Variants in UACA observed in about 807,000 individuals in gnomAD.
UACA encodes the protein nuclear membrane binding protein.
In UACA, 112 loss-of-function variants were observed where a neutral mutation model predicts 160.5. The observed-to-expected ratio is 0.70, with a 90% confidence interval of 0.60 to 0.82. The LOEUF is 0.82. Ranked by LOEUF, UACA falls within the 40% of genes least tolerant of loss-of-function variation. The pLI is 0.00. For synonymous variants in UACA, 557 were observed against 568.4 expected (o/e 0.98, Z 0.29); for missense variants, 1,574 against 1,614.6 (o/e 0.97, Z 0.43).
chr15:70,740,799 T>C (rs1219217179), intron 1 of UACA, among the ~76,000 whole-genome samples: 3 of 152,012 alleles, frequency 2.0e-5, no homozygotes. Context: ...CCCAGCACTT[T>C]AGGAGGCCCA....
intron 1 of UACA, among the ~76,000 whole-genome samples, chr15:70,709,370 A>G (rs1209635519): frequency 2.0e-5 from 3 of 152,230 alleles, no homozygotes; most frequent in African/African-American, 7.2e-5. Context: ...AACACAAATC[A>G]GTTATTTCAC....
In UACA at chr15:70,687,640, G is replaced by A. The variant is rs756160531; in HGVS notation, c.502C>T (p.Arg168Trp). 17 of 1,613,686 alleles carry A rather than the reference G, an allele frequency of 1.1e-5. No homozygotes were observed. Among genetic ancestry groups the A allele is most frequent in the South Asian group, 5.5e-5 (5 of 91,066 alleles). The stretch of plus-strand genomic sequence containing the variant: ...TGAGTAGCCAGAACAAGTGGTGTCC[G>A]CCCGTCCTAAGCAACAGGAAAAATA... ...ASVNAKDVDG[R>W]TPLVLATQMS... The change falls in exon 7 of 19, where the codon CGG becomes TGG. Residue 168 changes from arginine (R) to tryptophan (W), a missense_variant. By Grantham distance (101) the Arg-to-Trp change is moderately radical. Transcript: ENST00000322954.
chr15:70,749,553 G>T (rs1424247824), intron 1 of UACA, among the ~76,000 whole-genome samples: 1 of 150,756 alleles, frequency 6.6e-6, no homozygotes, highest in Admixed American at 6.6e-5. Context: ...CAAAAAATTA[G>T]CCAGGCGTAG....
intron 2 of UACA, among the ~76,000 whole-genome samples, chr15:70,697,292 T>C (rs1359440381): frequency 6.6e-6 from 1 of 152,208 alleles, no homozygotes; most frequent in Admixed American, 6.5e-5. Flanking sequence ...GGCCACTTTT[T>C]CCCTGGGAAC....
chr15:70,707,053 T>C (rs549130796), intron 1 of UACA, among the ~76,000 whole-genome samples: 237 of 152,312 alleles, frequency 1.6e-3, no homozygotes, highest in African/African-American at 5.5e-3. Flanking sequence ...GAAGCTATAG[T>C]AATCAAAACA....
At chr15:70,672,683 G>C (rs1897177003) in intron 13 of UACA, among the ~76,000 whole-genome samples, 1 of 152,182 alleles carries the variant, frequency 6.6e-6, no homozygotes, top group Admixed American at 6.5e-5. Context: ...AATAGGCCAG[G>C]CACAGTGGCT....
In UACA at chr15:70,760,571, G is replaced by A. The variant is rs991680831; in HGVS notation, c.78+2759C>T. Among the ~76,000 whole-genome samples, 4 of 152,294 alleles carry A rather than the reference G, an allele frequency of 2.6e-5. No homozygotes were observed. In the South Asian group the frequency reaches 6.2e-4, roughly 24 times the overall value. ...CGCCTGTAATCCCAGCACTTTGGGAGGCCGAGGCGGGTGGATCACAAGGTC... is the reference window on the plus strand; with the variant it reads ...CGCCTGTAATCCCAGCACTTTGGGAAGCCGAGGCGGGTGGATCACAAGGTC... On this transcript the variant is annotated intron_variant, in intron 1 of 18. Coordinates refer to ENST00000322954, the MANE Select transcript of UACA (RefSeq NM_018003.4).
the UACA span, among the ~76,000 whole-genome samples, chr15:70,774,418 C>T: frequency 2.6e-5 from 4 of 151,746 alleles, no homozygotes; most frequent in East Asian, 1.9e-4. Context: ...TGGTGGTGGG[C>T]GCCTGTAGTC....
chr15:70,699,152 T>G (rs916642586), intron 2 of UACA, among the ~76,000 whole-genome samples: 2 of 152,144 alleles, frequency 1.3e-5, no homozygotes, highest in African/African-American at 4.8e-5. Flanking sequence ...CTCTGTGACT[T>G]TACCTGAAAT....
Position 70,660,315 on chromosome 15 carries a change from T to G in UACA, c.4114-99A>C, listed in dbSNP as rs1319200526. 5 of 982,454 alleles carry G rather than the reference T, an allele frequency of 5.1e-6. No individual in the cohort carries two copies. In the Admixed American group the frequency reaches 1.1e-4, roughly 21 times the overall value. The allele number at this position is 982,454 out of a possible 1,614,324, so 60.9% of individuals were successfully genotyped here. A position where few individuals can be genotyped will look rare whatever the true frequency, so the allele number is the denominator to read the frequency against. ...TCATGCTACAAAACTATTATTATTA[T>G]TAAGGCGATCCTGCTACTTCTAACA... On this transcript the variant is annotated intron_variant, in intron 17 of 18. Transcript: ENST00000322954.
intron 1 of UACA, among the ~76,000 whole-genome samples, chr15:70,748,696 GCT>G (rs1316313234): frequency 6.6e-6 from 1 of 151,922 alleles, no homozygotes; most frequent in South Asian, 2.1e-4. Context: ...TCATAGAAAT[GCT>G]CTCTGTAGCT....
chr15:70,658,541 C>T lies in UACA; in HGVS notation c.4180-1414G>A, dbSNP rs145509914. ...TCCCACAGGTGAAAAATGGTATGTT[C>T]TTATTCATTTGCATCTCCCCCATTA... On this transcript the variant is annotated intron_variant, in intron 18 of 18. Transcript: ENST00000322954. 4.3e-4 allele frequency among the ~76,000 whole-genome samples: 66 copies of T among 152,244 alleles called. 1 individual carries two copies. Among genetic ancestry groups the T allele is most frequent in the African/African-American group, 1.5e-3 (64 of 41,552 alleles).
At chr15:70,763,573 G>T, upstream of UACA, 1 of 1,224,958 alleles carries the variant, frequency 8.2e-7, no homozygotes, top group Non-Finnish European at 1.0e-6. Context: ...CTGAGGCGGG[G>T]CTCCCCTCCC....
chr15:70,756,765 C>T (rs185813360), intron 1 of UACA, among the ~76,000 whole-genome samples: 2 of 152,156 alleles, frequency 1.3e-5, no homozygotes, highest in Admixed American at 1.3e-4. Context: ...CCCAACTACT[C>T]GGTAGGCTGA....
the UACA span, among the ~76,000 whole-genome samples, chr15:70,774,880 C>T: frequency 3.3e-5 from 5 of 151,700 alleles, no homozygotes; most frequent in Admixed American, 3.3e-4. Flanking sequence ...ATAGTGAGAC[C>T]CCATCTCTAC....
Position 70,677,897 on chromosome 15 carries a change from C to A in UACA, c.999+202G>T, listed in dbSNP as rs77811300. The stretch of plus-strand genomic sequence containing the variant: ...AGCCCACAGTGATCTCTCCTCACTT[C>A]CCTGAACATTCTTTACACTGTCCTT... On this transcript the variant is annotated intron_variant, in intron 11 of 18. Coordinates refer to ENST00000322954, the MANE Select transcript of UACA (RefSeq NM_018003.4). Among the ~76,000 whole-genome samples the A allele has an allele frequency of 2.2e-4, 33 of 152,242 alleles. 1 individual carries two copies. In the East Asian group the frequency reaches 4.4e-3, roughly 21 times the overall value.
At chr15:70,700,102 T>C (rs543868014) in intron 1 of UACA, among the ~76,000 whole-genome samples, 1 of 152,064 alleles carries the variant, frequency 6.6e-6, no homozygotes, top group East Asian at 1.9e-4. Context: ...CAACCATGAC[T>C]TCTATAGTTC....
rs556475236 is a variant in UACA at position 70,727,214 on chromosome 15, G to A, written c.79-27554C>T. Among the ~76,000 whole-genome samples the A allele has an allele frequency of 3.3e-5, 5 of 152,244 alleles. No individual in the cohort carries two copies. In the South Asian group the frequency reaches 1.0e-3, roughly 32 times the overall value. On this transcript the variant is annotated intron_variant, in intron 1 of 18. Coordinates refer to ENST00000322954, the MANE Select transcript of UACA (RefSeq NM_018003.4). The stretch of plus-strand genomic sequence containing the variant: ...AGTATAAAGAAGGGTATATAAAAAG[G>A]AAAACCTCCTTCCGCCCATTCCTCT...
chr15:70,739,298 G>A (rs745319599), intron 1 of UACA, among the ~76,000 whole-genome samples: 40 of 152,116 alleles, frequency 2.6e-4, no homozygotes, highest in Admixed American at 2.6e-3. Flanking sequence ...ATTGTGAAGA[G>A]GTTGTCCTGC....
Sources: gnomAD v4.1 joint callset for allele counts (sites outside exome capture counted in the v4.1 genomes callset) on GRCh38, gnomAD v4.1.1 for gene constraint, MANE v1.5 for transcripts, NCBI Gene and HGNC (gene_info 2026-07-23, HGNC 2026-07-21) for gene names.